The following MAP3K9 variants were observed in gnomAD, a reference collection of about 807,000 sequenced individuals.
The protein encoded by MAP3K9 is mitogen-activated protein kinase kinase kinase 9.
MAP3K9 carries 46 observed loss-of-function variants against 95.8 expected under a neutral mutation model. That is an observed-to-expected ratio of 0.48 (90% CI 0.38 to 0.61). MAP3K9 has a LOEUF of 0.61. MAP3K9 is among the 20% of genes least tolerant of loss of function. MAP3K9 has a pLI of 0.00. For synonymous variants in MAP3K9, 533 were observed against 593.8 expected (o/e 0.90, Z 1.49); for missense variants, 1,296 against 1,474.3 (o/e 0.88, Z 1.98).
chr14:70,804,223 G>C (rs141742352), intron 1 of MAP3K9, among the ~76,000 whole-genome samples: 58 of 152,304 alleles, frequency 3.8e-4, no homozygotes, highest in African/African-American at 1.3e-3. Flanking sequence ...GTCCAGCTGA[G>C]AGCCTCTTCT....
chr14:70,796,908 C>A (rs2054870759), intron 2 of MAP3K9, among the ~76,000 whole-genome samples: 1 of 151,788 alleles, frequency 6.6e-6, no homozygotes, highest in African/African-American at 2.4e-5. Context: ...TCAGTGTAGA[C>A]CTTGTTTAGC....
At chr14:70,732,426 A>G in intron 11 of MAP3K9, 113 bp downstream of exon 11, 2 of 1,423,198 alleles carry the variant, frequency 1.4e-6, no homozygotes, top group Non-Finnish European at 1.8e-6. Context: ...GGCTAAGAGG[A>G]GGAATGGTGT....
intron 2 of MAP3K9, among the ~76,000 whole-genome samples, chr14:70,798,121 T>C (rs546048602): frequency 2.0e-5 from 3 of 152,326 alleles, no homozygotes; most frequent in African/African-American, 7.2e-5. Context: ...CTCAGGTCTC[T>C]TGCCCTCTCC....
Position 70,750,731 on chromosome 14 carries a change from C to T in MAP3K9, c.1002-650G>A, listed in dbSNP as rs577522760. Among the ~76,000 whole-genome samples, 5 of 152,306 alleles carry T rather than the reference C, an allele frequency of 3.3e-5. No homozygotes were observed. In the East Asian group the frequency reaches 5.8e-4, roughly 18 times the overall value. Reference sequence around the variant, plus strand: ...CAAACTCCTGACCTCCTGTGATCCTCCCGCCTCGGCCTCTCAAAGTGCTGA... The same window carrying T: ...CAAACTCCTGACCTCCTGTGATCCTTCCGCCTCGGCCTCTCAAAGTGCTGA... On this transcript the variant is annotated intron_variant, in intron 3 of 11. Transcript: ENST00000554752.
At chr14:70,741,822 C>A (rs1359643864) in intron 6 of MAP3K9, among the ~76,000 whole-genome samples, 1 of 152,210 alleles carries the variant, frequency 6.6e-6, no homozygotes, top group East Asian at 1.9e-4. Context: ...TGGCATGCGC[C>A]TGTAATCCCA....
At chr14:70,778,522 G>A (rs554961570) in intron 2 of MAP3K9, among the ~76,000 whole-genome samples, 74 of 152,016 alleles carry the variant, frequency 4.9e-4, no homozygotes, top group African/African-American at 1.7e-3. Flanking sequence ...GTGATCCACC[G>A]TCCTCGGCCT....
intron 2 of MAP3K9, among the ~76,000 whole-genome samples, chr14:70,767,145 A>C (rs927274153): frequency 1.3e-5 from 2 of 152,048 alleles, no homozygotes; most frequent in Non-Finnish European, 2.9e-5. Context: ...GCACTTTAGG[A>C]GGCTGAGGTG....
intron 8 of MAP3K9, among the ~76,000 whole-genome samples, chr14:70,737,048 G>C (rs1048907597): frequency 2.0e-5 from 3 of 152,174 alleles, no homozygotes; most frequent in Non-Finnish European, 4.4e-5. Flanking sequence ...AACCTGAGAA[G>C]CTCTTTAGAA....
At chr14:70,800,102 C>T (rs2054911745) in intron 2 of MAP3K9, among the ~76,000 whole-genome samples, 1 of 152,168 alleles carries the variant, frequency 6.6e-6, no homozygotes, top group Non-Finnish European at 1.5e-5. Flanking sequence ...GTAATTATGG[C>T]ATTTAATTAA....
intron 5 of MAP3K9, among the ~76,000 whole-genome samples, chr14:70,744,008 T>C (rs561086876): frequency 6.6e-6 from 1 of 152,308 alleles, no homozygotes; most frequent in Admixed American, 6.5e-5. Flanking sequence ...ATATATACCA[T>C]GATACTATGC....
At chr14:70,773,686 T>G (rs952082235) in intron 2 of MAP3K9, among the ~76,000 whole-genome samples, 17 of 152,200 alleles carry the variant, frequency 1.1e-4, no homozygotes, top group South Asian at 2.1e-4. Flanking sequence ...CACTGTGCTA[T>G]CTGGAAAGTG....
chr14:70,728,413 C>G lies in MAP3K9; in HGVS notation c.*1967G>C, dbSNP rs55724921. On this transcript the variant is annotated 3_prime_UTR_variant, in exon 12 of 12. Coordinates refer to ENST00000554752, the MANE Select transcript of MAP3K9 (RefSeq NM_001284230.2). ...CGCTGGGATTACAGGCGTGAGCCAC[C>G]GCGCCCTGTCAGAACAAACTTTGTA... 2 of 152,054 alleles carry G rather than the reference C, an allele frequency of 1.3e-5. No homozygotes were observed. The highest frequency in any genetic ancestry group is 2.4e-5 in the African/African-American group (1 of 41,380). The allele number at this position is 152,054 out of a possible 1,614,324, so 9.4% of individuals were successfully genotyped here. A position where few individuals can be genotyped will look rare whatever the true frequency, so the allele number is the denominator to read the frequency against.
chr14:70,795,767 CT>C (rs67430055), intron 2 of MAP3K9, among the ~76,000 whole-genome samples: 35 of 146,498 alleles, frequency 2.4e-4, no homozygotes, highest in South Asian at 4.3e-4. Context: ...ATTCTTTTTT[CT>C]TTTTTTTTTT....
At chr14:70,783,798 C>T (rs754369426) in intron 2 of MAP3K9, among the ~76,000 whole-genome samples, 2 of 152,000 alleles carry the variant, frequency 1.3e-5, no homozygotes, top group African/African-American at 2.4e-5. Flanking sequence ...CAGAAAGGCC[C>T]GCTCACCTCC....
intron 2 of MAP3K9, among the ~76,000 whole-genome samples, chr14:70,776,081 C>A (rs1281938667): frequency 6.6e-6 from 1 of 152,050 alleles, no homozygotes; most frequent in Non-Finnish European, 1.5e-5. Flanking sequence ...CCCAGCTTCT[C>A]GGGAGGCTGA....
chr14:70,801,062 G>A lies in MAP3K9; in HGVS notation c.425C>T (p.Ala142Val), dbSNP rs775097885. Reference protein sequence around the residue: ...PPIQLLEIDFAELTLEEIIGI... With the variant: ...PPIQLLEIDFVELTLEEIIGI... ...AATAATCTCTTCCAAGGTGAGCTCC[G>A]CAAAATCAATTTCTAACACTGAGAA... is the stretch of plus-strand genomic sequence containing the variant. The change falls in exon 2 of 12, where the codon GCG becomes GTG. Residue 142 changes from alanine (A) to valine (V), a missense_variant. Around this residue, in one of 5 missense-constraint regions of MAP3K9, gnomAD observed 338 missense variants for 363.4 expected, o/e 0.93. Transcript: ENST00000554752. The A allele has an allele frequency of 1.2e-5, 20 of 1,607,424 alleles. No homozygotes were observed. Among genetic ancestry groups the A allele is most frequent in the Middle Eastern group, 1.7e-4 (1 of 6,054 alleles).
At chr14:70,762,392 C>G (rs766157039) in intron 2 of MAP3K9, among the ~76,000 whole-genome samples, 5 of 152,156 alleles carry the variant, frequency 3.3e-5, no homozygotes, top group Non-Finnish European at 7.3e-5. Context: ...CACATCCTCA[C>G]GAATACTTGT....
rs2054082411 is a variant in MAP3K9, at chr14:70,742,359, A to G, written c.1559T>C (p.Leu520Pro). ...LKLKDGNRIS[L>P]PSDFQHKFTV... is the part of the protein sequence containing the mutation. ...AGTCCCCGGCCACTGACCAGAAGGGAGGCTGATGCGGTTGCCATCCTTGAG... is the reference window on the plus strand; with the variant it reads ...AGTCCCCGGCCACTGACCAGAAGGGGGGCTGATGCGGTTGCCATCCTTGAG... The change falls in exon 6 of 12, where the codon CTC (leucine) becomes CCC (proline). Residue 520 changes from leucine to proline, a missense_variant. Leu to Pro is a moderately conservative substitution (Grantham distance 98). Around this residue, in one of 5 missense-constraint regions of MAP3K9, gnomAD observed 377 missense variants for 417.1 expected, o/e 0.90. Coordinates refer to ENST00000554752, the MANE Select transcript of MAP3K9 (RefSeq NM_001284230.2). 1 of 1,613,834 alleles carries G rather than the reference A, an allele frequency of 6.2e-7. No individual in the cohort carries two copies. The highest frequency in any genetic ancestry group is 1.1e-5 in the South Asian group (1 of 91,050).
chr14:70,805,615 T>C (rs2054981523), intron 1 of MAP3K9, among the ~76,000 whole-genome samples: 1 of 152,268 alleles, frequency 6.6e-6, no homozygotes, highest in Admixed American at 6.5e-5. Context: ...TAATTTCCCC[T>C]TCTGTTTTGA....
Sources: gnomAD v4.1 joint callset for allele counts (sites outside exome capture counted in the v4.1 genomes callset) on GRCh38, gnomAD v4.1.1 for gene constraint, gnomAD v4.1.1 regional missense constraint, MANE v1.5 for transcripts, NCBI Gene and HGNC (gene_info 2026-07-23, HGNC 2026-07-21) for gene names.